Variants in PATJ observed in about 807,000 individuals in gnomAD.
PATJ encodes inaD-like protein.
Under a neutral mutation model 224.9 loss-of-function variants are expected in PATJ, and 190 were observed. The observed-to-expected ratio is 0.84, with a 90% CI of 0.75 to 0.95. The LOEUF (loss-of-function observed/expected upper bound fraction) is 0.95. Ranked by LOEUF, PATJ falls within the 40% of genes least tolerant of loss-of-function variation. The pLI is 0.00. For missense variants in PATJ, 2,121 were observed against 2,270.3 expected (o/e 0.93, Z 1.34); for synonymous variants, 769 against 820.3 (o/e 0.94, Z 1.07).
At chr1:61,923,886 C>T (rs966470744) in intron 26 of PATJ, among the ~76,000 whole-genome samples, 1 of 145,836 alleles carries the variant, frequency 6.9e-6, no homozygotes, top group Non-Finnish European at 1.5e-5. Context: ...CTCGCCATTG[C>T]ACTCGAGCCT....
intron 28 of PATJ, among the ~76,000 whole-genome samples, chr1:61,996,594 C>A (rs553137267): frequency 2.0e-4 from 30 of 151,954 alleles, no homozygotes; most frequent in African/African-American, 6.8e-4. Flanking sequence ...AATAACTATG[C>A]CCTCAGAGAC....
intron 19 of PATJ, 54 bp from the exon 20 acceptor site, chr1:61,864,184 G>A (rs1276813442): frequency 2.7e-6 from 4 of 1,495,576 alleles, no homozygotes; most frequent in Admixed American, 2.0e-5. Context: ...TATCTATATA[G>A]TGCAGCTTCA....
rs988563540 is a variant in PATJ at position 62,022,479 on chromosome 1, A to G, written c.3959+4532A>G. ...GTGCTTGCTATGTACTCTACATTCA[A>G]TTCTGTGGGTTTTCGTGTTTGGCAT... On this transcript the variant is annotated intron_variant, in intron 29 of 43. Coordinates refer to ENST00000642238, the MANE Select transcript of PATJ (RefSeq NM_001350145.3). 3.9e-5 allele frequency among the ~76,000 whole-genome samples: 6 copies of G among 152,136 alleles called. No homozygotes were observed. In the East Asian group the frequency reaches 5.8e-4, roughly 15 times the overall value.
At position 62,062,995 on chromosome 1, in the gene PATJ, A is replaced by G. The variant is rs2148652610; in HGVS notation, c.4125+11937A>G. ...CTGTTAATAGTTTCTTTTGCTATGC[A>G]GAAACTCTTTAATTATTAGGTCCCA... On this transcript the variant is annotated intron_variant, in intron 31 of 43. Transcript: ENST00000642238. 2.0e-5 allele frequency among the ~76,000 whole-genome samples: 3 copies of G among 152,300 alleles called. 1 individual carries two copies. In the South Asian group the frequency reaches 6.2e-4, roughly 32 times the overall value.
At chr1:62,053,962 C>T (rs1006441838) in intron 31 of PATJ, among the ~76,000 whole-genome samples, 1 of 152,102 alleles carries the variant, frequency 6.6e-6, no homozygotes, top group South Asian at 2.1e-4. Context: ...TACAAAAATG[C>T]CTTCCCTCAT....
intron 41 of PATJ, among the ~76,000 whole-genome samples, chr1:62,138,037 T>C (rs1401225133): frequency 1.3e-5 from 2 of 152,150 alleles, no homozygotes; most frequent in East Asian, 3.9e-4. Flanking sequence ...GTTCCTTCTC[T>C]TCCTTCAGAC....
intron 21 of PATJ, among the ~76,000 whole-genome samples, chr1:61,882,654 C>A (rs1668260286): frequency 6.6e-6 from 1 of 152,136 alleles, no homozygotes; most frequent in Non-Finnish European, 1.5e-5. Flanking sequence ...GTGGTGACAT[C>A]ACTCCTCACT....
intron 28 of PATJ, among the ~76,000 whole-genome samples, chr1:61,994,394 AT>A (rs1325583383): frequency 6.6e-6 from 1 of 151,876 alleles, no homozygotes; most frequent in Non-Finnish European, 1.5e-5. Flanking sequence ...TTTATTCATA[AT>A]TTTTTTTCAG....
intron 41 of PATJ, among the ~76,000 whole-genome samples, chr1:62,133,516 A>C (rs949708298): frequency 1.7e-4 from 26 of 152,136 alleles, no homozygotes; most frequent in Admixed American, 4.6e-4. Context: ...CGGAGAGTAG[A>C]GGTTGCAGTA....
chr1:61,979,191 A>T (rs1356094890), intron 27 of PATJ, among the ~76,000 whole-genome samples: 1 of 152,102 alleles, frequency 6.6e-6, no homozygotes, highest in African/African-American at 2.4e-5. Flanking sequence ...TGCCAAAAGA[A>T]GTAGTTTACT....
chr1:62,035,040 C>G (rs1650114300), intron 29 of PATJ, among the ~76,000 whole-genome samples: 1 of 152,146 alleles, frequency 6.6e-6, no homozygotes, highest in Admixed American at 6.5e-5. Flanking sequence ...CGGCCCTAAG[C>G]TGAGCTTTAT....
At chr1:61,904,757 C>T (rs912124768) in intron 24 of PATJ, among the ~76,000 whole-genome samples, 1 of 152,246 alleles carries the variant, frequency 6.6e-6, no homozygotes, top group Non-Finnish European at 1.5e-5. Context: ...TCTTCCCTTT[C>T]TCTCCCATCC....
chr1:61,833,767 C>T lies in PATJ; in HGVS notation c.2094C>T (p.Phe698=), dbSNP rs768118570. ...ELVKDCKGLG[F]SILDYQDPLD... ...TAAAAGATTGTAAAGGTTTGGGATT[C>T]AGCATTTTGGATTACCAGGTATAAG... is the stretch of plus-strand genomic sequence containing the variant. Residue 698 remains phenylalanine, a synonymous_variant, in exon 17 of 44, where the codon TTC becomes TTT. Coordinates refer to ENST00000642238, the MANE Select transcript of PATJ (RefSeq NM_001350145.3). 12 of 1,613,042 alleles carry T rather than the reference C, an allele frequency of 7.4e-6. No individual in the cohort carries two copies. The South Asian group carries it at 1.3e-4, about 18-fold the overall frequency.
chr1:61,767,074 C>T (rs972015871), intron 4 of PATJ, among the ~76,000 whole-genome samples: 9 of 152,192 alleles, frequency 5.9e-5, no homozygotes, highest in Non-Finnish European at 1.2e-4. Context: ...GCCTGGGTGA[C>T]ACCCCATAAT....
intron 10 of PATJ, among the ~76,000 whole-genome samples, chr1:61,795,952 A>G (rs1381727572): frequency 2.0e-5 from 3 of 152,178 alleles, no homozygotes; most frequent in Admixed American, 2.0e-4. Context: ...GTTAACAATA[A>G]TTATAAGTAC....
chr1:61,833,533 A>G (rs954618583), intron 16 of PATJ, 121 bp from the exon 17 acceptor site: 1 of 940,126 alleles, frequency 1.1e-6, no homozygotes, highest in Non-Finnish European at 1.5e-6. Flanking sequence ...TAAAAAGAAA[A>G]ACTACGCATG....
At chr1:61,751,806 A>T (rs886701950) in intron 1 of PATJ, among the ~76,000 whole-genome samples, 3 of 151,676 alleles carry the variant, frequency 2.0e-5, no homozygotes, top group African/African-American at 7.3e-5. Flanking sequence ...AGCATGGGCA[A>T]CAGAGTGAGA....
chr1:61,806,131 G>A (rs1653488438), intron 13 of PATJ, among the ~76,000 whole-genome samples: 1 of 152,192 alleles, frequency 6.6e-6, no homozygotes, highest in South Asian at 2.1e-4. Flanking sequence ...AAGGCAGACG[G>A]TTGTGCTTAG....
chr1:61,743,824 T>C (rs562584263), intron 1 of PATJ, among the ~76,000 whole-genome samples: 17 of 152,222 alleles, frequency 1.1e-4, no homozygotes, highest in Admixed American at 1.1e-3. Flanking sequence ...TATTTGGGAA[T>C]GAGAAATGAG....
Sources: allele counts gnomAD v4.1 joint callset (sites outside exome capture counted in the v4.1 genomes callset), GRCh38; gene constraint gnomAD v4.1.1; transcripts MANE v1.5; gene names NCBI Gene and HGNC (gene_info 2026-07-23, HGNC 2026-07-21).